Variants in SEL1L3 observed in about 807,000 individuals in gnomAD.
SEL1L3 encodes protein sel-1 homolog 3.
In SEL1L3, 76 loss-of-function variants were observed where a neutral mutation model predicts 142.8. The observed-to-expected ratio is 0.53, with a 90% CI of 0.44 to 0.64. The LOEUF (loss-of-function observed/expected upper bound fraction) is 0.64. SEL1L3 is among the 30% of genes least tolerant of loss of function. The probability of loss-of-function intolerance (pLI) is 0.00; values close to 1 mark genes in which losing one functional copy is unlikely to be tolerated. For synonymous variants in SEL1L3, 504 were observed against 519.6 expected (o/e 0.97, Z 0.41); for missense variants, 1,262 against 1,381.7 (o/e 0.91, Z 1.37).
Position 25,833,048 on chromosome 4 carries a change from T to C in SEL1L3, c.1045A>G (p.Ile349Val), listed in dbSNP as rs139989095. 1,823 of 1,613,054 alleles carry C rather than the reference T, an allele frequency of 1.1e-3. 2 individuals carry two copies. Among genetic ancestry groups the C allele is most frequent in the Non-Finnish European group, 1.4e-3 (1,638 of 1,179,086 alleles). The change falls in exon 5 of 24, where the codon ATC (isoleucine) becomes GTC (valine). Residue 349 changes from isoleucine to valine, a missense_variant. Coordinates refer to ENST00000399878, the MANE Select transcript of SEL1L3 (RefSeq NM_015187.5). Reference protein sequence around the residue: ...GEDLAVKTKFIIPLKEWFRLD... With the variant: ...GEDLAVKTKFVIPLKEWFRLD... Reference sequence around the variant, plus strand: ...CGAAACCACTCCTTCAAAGGTATGATGAATTTAGTTTTTACAGCAAGGTCT... The same window carrying C: ...CGAAACCACTCCTTCAAAGGTATGACGAATTTAGTTTTTACAGCAAGGTCT...
the SEL1L3 span, among the ~76,000 whole-genome samples, chr4:25,724,650 T>C: frequency 7.3e-6 from 1 of 137,688 alleles, no homozygotes; most frequent in Non-Finnish European, 1.5e-5. Flanking sequence ...GGCAGGAGAA[T>C]GGCGTGAACC....
chr4:25,834,927 G>C (rs1018756946), intron 3 of SEL1L3, among the ~76,000 whole-genome samples: 1 of 152,218 alleles, frequency 6.6e-6, no homozygotes, highest in South Asian at 2.1e-4. Context: ...AGACCTTGCA[G>C]GGCCTCAGGC....
Position 25,833,586 on chromosome 4 carries a change from GA to G in SEL1L3, c.861-18del, listed in dbSNP as rs537832035. 2.5e-4 allele frequency: 394 copies of G among 1,586,910 alleles called. 2 individuals carry two copies. The highest frequency in any genetic ancestry group is 1.2e-3 in the South Asian group (106 of 85,962). On this transcript the variant is annotated intron_variant, in intron 3 of 23. Coordinates refer to ENST00000399878, the MANE Select transcript of SEL1L3 (RefSeq NM_015187.5). ...ACAGTAAACCTATAAGAGTGAGGGG[GA>G]AAAAAATTCTGCAGATTGATATCAT...
intron 10 of SEL1L3, among the ~76,000 whole-genome samples, chr4:25,803,119 G>GT (rs1713301856): frequency 6.6e-6 from 1 of 152,186 alleles, no homozygotes; most frequent in Non-Finnish European, 1.5e-5. Context: ...GCGGGCCCAT[G>GT]TCCCATCCTC....
intron 2 of SEL1L3, among the ~76,000 whole-genome samples, chr4:25,845,331 C>A (rs1178019658): frequency 2.6e-5 from 4 of 151,862 alleles, no homozygotes; most frequent in Admixed American, 2.0e-4. Context: ...CCCATCTCTA[C>A]AAAAAAATAA....
chr4:25,788,569 CGTGTGTGTGT>C lies in SEL1L3; in HGVS notation c.2077-215_2077-206del, dbSNP rs58435041. On this transcript the variant is annotated intron_variant, in intron 12 of 23. Coordinates refer to ENST00000399878, the MANE Select transcript of SEL1L3 (RefSeq NM_015187.5). This position sits in a 1 kb window ranked among gnomAD's most constrained non-coding sequence, Gnocchi z 5.3. Reference sequence around the variant, plus strand: ...CCCTTAATGCAAGCCAGAAATGGTTCGTGTGTGTGTGTGTGTGTGTGTGTGTGTGTGTGTG... The same window carrying C: ...CCCTTAATGCAAGCCAGAAATGGTTCGTGTGTGTGTGTGTGTGTGTGTGTG... Among the ~76,000 whole-genome samples the C allele has an allele frequency of 0.028, 3,980 of 139,948 alleles. 164 individuals are homozygous for C. The highest frequency in any genetic ancestry group is 0.094 in the African/African-American group (3,555 of 37,740). 91.8% of individuals were successfully genotyped at this position (139,948 alleles called of 152,430 possible). A position where few individuals can be genotyped will look rare whatever the true frequency, so the allele number is the denominator to read the frequency against.
the SEL1L3 span, chr4:25,718,657 C>G: frequency 2.0e-5 from 3 of 152,120 alleles, no homozygotes; most frequent in African/African-American, 7.2e-5. Flanking sequence ...AGATGAGGAA[C>G]AGACAGGCTA....
intron 20 of SEL1L3, among the ~76,000 whole-genome samples, chr4:25,761,375 C>T (rs756404697): frequency 3.9e-5 from 6 of 152,154 alleles, no homozygotes; most frequent in Non-Finnish European, 8.8e-5. Context: ...AGGCTGGTCT[C>T]GACCTTCTGA....
chr4:25,791,184 A>G (rs1712310712), intron 11 of SEL1L3, among the ~76,000 whole-genome samples: 1 of 152,242 alleles, frequency 6.6e-6, no homozygotes, highest in Non-Finnish European at 1.5e-5. Flanking sequence ...ATTCTAACGT[A>G]TTACTATCCT....
At position 25,788,191 on chromosome 4, in the gene SEL1L3, G is replaced by T; in HGVS notation, c.2217+33C>A. On this transcript the variant is annotated intron_variant, in intron 13 of 23. Transcript: ENST00000399878. This position sits in a 1 kb window ranked among gnomAD's most constrained non-coding sequence, Gnocchi z 5.3. ...ACTGCTCAGGAGTCTGATAAGAATT[G>T]CACAATTTCAGCACGAATTAAGTGA... is the stretch of plus-strand genomic sequence containing the variant. 1 of 1,608,460 alleles carries T rather than the reference G, an allele frequency of 6.2e-7. No individual in the cohort carries two copies. The highest frequency in any genetic ancestry group is 8.5e-7 in the Non-Finnish European group (1 of 1,177,726).
At chr4:25,772,688 C>G (rs1219441545) in intron 17 of SEL1L3, among the ~76,000 whole-genome samples, 2 of 151,996 alleles carry the variant, frequency 1.3e-5, no homozygotes, top group African/African-American at 4.8e-5. Flanking sequence ...GAAAGAGAAT[C>G]CAAATATTCA....
At chr4:25,797,236 C>G (rs1458910514) in intron 11 of SEL1L3, among the ~76,000 whole-genome samples, 1 of 151,578 alleles carries the variant, frequency 6.6e-6, no homozygotes, top group African/African-American at 2.4e-5. Flanking sequence ...AGGAGCGAAG[C>G]CTCTCGGCAG....
the SEL1L3 span, among the ~76,000 whole-genome samples, chr4:25,723,157 T>C: frequency 2.0e-5 from 3 of 152,230 alleles, no homozygotes; most frequent in Non-Finnish European, 4.4e-5. Context: ...GCTCATTTTA[T>C]GGCCCTGGAG....
chr4:25,726,027 A>C, the SEL1L3 span, among the ~76,000 whole-genome samples: 1 of 151,990 alleles, frequency 6.6e-6, no homozygotes, highest in East Asian at 1.9e-4. Flanking sequence ...CATCCTACGG[A>C]TGCAGCCCAA....
intron 6 of SEL1L3, among the ~76,000 whole-genome samples, chr4:25,828,148 G>A (rs139206295): frequency 6.6e-6 from 1 of 152,282 alleles, no homozygotes; most frequent in Non-Finnish European, 1.5e-5. Flanking sequence ...CAGCTATTAA[G>A]CCACCCGCAC....
the SEL1L3 span, among the ~76,000 whole-genome samples, chr4:25,724,762 AAAAAAAAAAGG>A: frequency 1.3e-5 from 1 of 79,260 alleles, no homozygotes; most frequent in African/African-American, 3.3e-5. Context: ...AAAAAAAAAA[AAAAAAAAAAGG>A]AAAAGAAATT....
rs760489411 is a variant in SEL1L3, at chr4:25,802,379, A to T, written c.1860T>A (p.Ile620=). 7.4e-6 allele frequency: 12 copies of T among 1,613,794 alleles called. No individual in the cohort carries two copies. In the Admixed American group the frequency reaches 2.0e-4, roughly 27 times the overall value. ...GTTCCCAGTCCAGGGGGTAGTTGTCAATACCCTGGTAGTGTTTATACCCAA... is the reference window on the plus strand; with the variant it reads ...GTTCCCAGTCCAGGGGGTAGTTGTCTATACCCTGGTAGTGTTTATACCCAA... ...MNLGYKHYQG[I]DNYPLDWELS... Residue 620 remains isoleucine (I), a synonymous_variant, in exon 11 of 24, where the codon ATT becomes ATA. Coordinates refer to ENST00000399878, the MANE Select transcript of SEL1L3 (RefSeq NM_015187.5).
At chr4:25,808,637 G>A (rs1560318540) in intron 9 of SEL1L3, among the ~76,000 whole-genome samples, 1 of 152,004 alleles carries the variant, frequency 6.6e-6, no homozygotes, top group Non-Finnish European at 1.5e-5. Flanking sequence ...AAGGAAAGGA[G>A]AAAATGTCAC....
chr4:25,743,790 G>A (rs1265361747), downstream of SEL1L3, among the ~76,000 whole-genome samples: 4 of 152,174 alleles, frequency 2.6e-5, no homozygotes, highest in Non-Finnish European at 5.9e-5. Context: ...TTTCCTTTTA[G>A]CTTAGTGATT....
Sources: gnomAD v4.1 joint callset for allele counts (sites outside exome capture counted in the v4.1 genomes callset) on GRCh38, gnomAD v4.1.1 for gene constraint, Gnocchi (gnomAD v3.1) non-coding constraint, MANE v1.5 for transcripts, NCBI Gene and HGNC (gene_info 2026-07-23, HGNC 2026-07-21) for gene names.